The following HAPSTR1 variants were observed in gnomAD, a reference collection of about 807,000 sequenced individuals.
HAPSTR1 encodes the protein HUWE1-associated protein modifying stress responses 1.
the HAPSTR1 span, chr16:9,092,029 C>T: frequency 1.3e-6 from 2 of 1,493,722 alleles, no homozygotes; most frequent in East Asian, 2.8e-5. Context: ...GGCGAGGCCG[C>T]GGGAGGCCGC....
At chr16:9,116,130 C>T in the HAPSTR1 span, among the ~76,000 whole-genome samples, 1 of 152,152 alleles carries the variant, frequency 6.6e-6, no homozygotes, top group African/African-American at 2.4e-5. Context: ...AACAGTGACT[C>T]TTTTCGGGCT....
the HAPSTR1 span, among the ~76,000 whole-genome samples, chr16:9,100,159 A>C: frequency 1.3e-5 from 2 of 152,244 alleles, no homozygotes; most frequent in Non-Finnish European, 2.9e-5. Context: ...TAGTGTGCTC[A>C]TAGTGGGTTC....
chr16:9,099,041 C>T, the HAPSTR1 span, among the ~76,000 whole-genome samples: 1 of 151,932 alleles, frequency 6.6e-6, no homozygotes, highest in Non-Finnish European at 1.5e-5. Flanking sequence ...CAATATAATT[C>T]TTTGCCCTCT....
chr16:9,097,362 C>A, the HAPSTR1 span, among the ~76,000 whole-genome samples: 2 of 151,906 alleles, frequency 1.3e-5, no homozygotes, highest in African/African-American at 4.8e-5. Context: ...CCCACCTCAG[C>A]CACTGAGTAG....
chr16:9,103,563 C>G, the HAPSTR1 span: 1 of 250,444 alleles, frequency 4.0e-6, no homozygotes, highest in Non-Finnish European at 7.7e-6. Context: ...TGTTTTTTTC[C>G]TCTTCTGAAG....
chr16:9,101,553 C>G, the HAPSTR1 span, among the ~76,000 whole-genome samples: 1 of 151,972 alleles, frequency 6.6e-6, no homozygotes, highest in African/African-American at 2.4e-5. Flanking sequence ...ATCCCAGGTC[C>G]TACTTTGATT....
the HAPSTR1 span, chr16:9,102,896 T>C: frequency 6.2e-5 from 86 of 1,377,838 alleles, no homozygotes; most frequent in African/African-American, 1.1e-3. Context: ...GTATTCACTT[T>C]GGTTAAATTG....
At chr16:9,116,521 G>A in the HAPSTR1 span, 1 of 1,033,130 alleles carries the variant, frequency 9.7e-7, no homozygotes. Context: ...TGTTTATCCA[G>A]AATAAAACTT....
chr16:9,117,555 A>T, the HAPSTR1 span: 2 of 153,056 alleles, frequency 1.3e-5, no homozygotes, highest in Non-Finnish European at 2.9e-5. Flanking sequence ...TATTGGATTC[A>T]CTTTGTGTGT....
At chr16:9,093,007 G>C in the HAPSTR1 span, 1 of 1,607,486 alleles carries the variant, frequency 6.2e-7, no homozygotes, top group Non-Finnish European at 8.5e-7. Context: ...CAAAGGTAAA[G>C]ATAACCTTGC....
chr16:9,092,783 C>T, the HAPSTR1 span: 1 of 951,540 alleles, frequency 1.1e-6, no homozygotes, highest in Non-Finnish European at 1.6e-6. Context: ...CCCGAAACCC[C>T]TGAACAAAAT....
the HAPSTR1 span, among the ~76,000 whole-genome samples, chr16:9,093,528 T>C: frequency 5.9e-5 from 9 of 152,350 alleles, no homozygotes; most frequent in East Asian, 1.7e-3. Flanking sequence ...TATATAGTTT[T>C]GAAGTGCTTG....
the HAPSTR1 span, chr16:9,109,021 T>A: frequency 6.6e-6 from 1 of 152,204 alleles, no homozygotes. Flanking sequence ...GCTTTTGCCT[T>A]CTGGGATACT....
At chr16:9,118,629 T>C in the HAPSTR1 span, 1 of 152,416 alleles carries the variant, frequency 6.6e-6, no homozygotes, top group Non-Finnish European at 1.5e-5. Flanking sequence ...CAGGAAGAAT[T>C]ATAGCAATCT....
chr16:9,094,258 A>G, the HAPSTR1 span, among the ~76,000 whole-genome samples: 3 of 152,154 alleles, frequency 2.0e-5, no homozygotes, highest in African/African-American at 7.2e-5. Flanking sequence ...AAAGGGAAAC[A>G]TGGTTAAATA....
the HAPSTR1 span, among the ~76,000 whole-genome samples, chr16:9,102,582 G>A: frequency 6.6e-6 from 1 of 152,182 alleles, no homozygotes; most frequent in Non-Finnish European, 1.5e-5. Context: ...TCTTGGTGCT[G>A]AATCTGTCAG....
At chr16:9,100,381 A>G in the HAPSTR1 span, among the ~76,000 whole-genome samples, 1 of 152,094 alleles carries the variant, frequency 6.6e-6, no homozygotes, top group Non-Finnish European at 1.5e-5. Context: ...TCTTCAATCA[A>G]AACAACCCAA....
chr16:9,119,804 T>A, the HAPSTR1 span: 1 of 152,386 alleles, frequency 6.6e-6, no homozygotes, highest in South Asian at 2.1e-4. Flanking sequence ...CTAAATGTTT[T>A]TTTCTAAGGG....
chr16:9,092,639 G>A, the HAPSTR1 span, among the ~76,000 whole-genome samples: 6 of 150,870 alleles, frequency 4.0e-5, no homozygotes, highest in Non-Finnish European at 4.4e-5. Flanking sequence ...AGCCGGCCTC[G>A]GGGCGGGGAC....
Sources: allele counts gnomAD v4.1 joint callset (sites outside exome capture counted in the v4.1 genomes callset), GRCh38; gene constraint gnomAD v4.1.1; transcripts MANE v1.5; gene names NCBI Gene and HGNC (gene_info 2026-07-23, HGNC 2026-07-21).